WDR72: variants seen among roughly 807,000 people sequenced by gnomAD.
WDR72 encodes WD repeat-containing protein 72.
A neutral mutation model predicts 124.2 loss-of-function variants in WDR72; 120 were observed. The ratio of observed to expected loss-of-function variants is 0.97; its 90% CI spans 0.83 to 1.12. WDR72 has a LOEUF of 1.12. Ranked by LOEUF, WDR72 falls within the 50% of genes most tolerant of loss-of-function variation. WDR72 has a pLI of 0.00. For synonymous variants in WDR72, 452 were observed against 441.7 expected (o/e 1.02, Z -0.29); for missense variants, 1,387 against 1,278.8 (o/e 1.08, Z -1.29).
intron 13 of WDR72, among the ~76,000 whole-genome samples, chr15:53,687,964 CAT>C (rs2016701471): frequency 6.8e-6 from 1 of 148,052 alleles, no homozygotes; most frequent in South Asian, 2.1e-4. Context: ...ACAAAAACCA[CAT>C]GATTATCTCA....
intron 13 of WDR72, among the ~76,000 whole-genome samples, chr15:53,675,526 C>T (rs2016141357): frequency 1.3e-5 from 2 of 152,234 alleles, no homozygotes; most frequent in Admixed American, 1.3e-4. Flanking sequence ...TAAAATTATA[C>T]TGCTACTGAG....
At chr15:53,760,988 G>C (rs1406406807), upstream of WDR72, among the ~76,000 whole-genome samples, 2 of 152,036 alleles carry the variant, frequency 1.3e-5, no homozygotes, top group African/African-American at 2.4e-5. Context: ...GCTGCTCATG[G>C]TGGTGTGTGC....
chr15:53,547,928 G>C (rs1893553062), intron 18 of WDR72, among the ~76,000 whole-genome samples: 2 of 151,312 alleles, frequency 1.3e-5, no homozygotes, highest in South Asian at 4.2e-4. Context: ...AGTAAATGCT[G>C]GACAGCAAAA....
chr15:53,546,645 C>G (rs1191405276), intron 18 of WDR72, among the ~76,000 whole-genome samples: 1 of 151,808 alleles, frequency 6.6e-6, no homozygotes, highest in African/African-American at 2.4e-5. Flanking sequence ...GCACACATAC[C>G]CTAAAACATA....
At chr15:53,596,827 A>G (rs1429866836) in intron 18 of WDR72, among the ~76,000 whole-genome samples, 1 of 152,146 alleles carries the variant, frequency 6.6e-6, no homozygotes, top group African/African-American at 2.4e-5. Context: ...TACATTTTCA[A>G]TACTCTCTAA....
intron 2 of WDR72, among the ~76,000 whole-genome samples, chr15:53,731,102 C>G (rs1031288868): frequency 1.3e-5 from 2 of 152,122 alleles, no homozygotes; most frequent in Non-Finnish European, 2.9e-5. Context: ...GCACAATGTC[C>G]TCACAGTGAA....
At chr15:53,610,624 G>C (rs1006617970) in intron 16 of WDR72, among the ~76,000 whole-genome samples, 2 of 151,666 alleles carry the variant, frequency 1.3e-5, no homozygotes, top group Admixed American at 6.6e-5. Context: ...CAAGGAAAAT[G>C]CAATAAAGGT....
chr15:53,625,773 A>G (rs1439605071), intron 14 of WDR72, among the ~76,000 whole-genome samples: 1 of 150,358 alleles, frequency 6.7e-6, no homozygotes, highest in Non-Finnish European at 1.5e-5. Context: ...TAAAAAGGAA[A>G]AACAGAAAGG....
chr15:53,592,068 G>C lies in WDR72; in HGVS notation c.3148+5011C>G, dbSNP rs1206011142. ...CACCACAGTCAGTCATTATCACTGT[G>C]CTTTGCCCCTAAACCAAAGGTAATG... On this transcript the variant is annotated intron_variant, in intron 18 of 19. Coordinates refer to ENST00000360509, the MANE Select transcript of WDR72 (RefSeq NM_182758.4). Among the ~76,000 whole-genome samples the C allele has an allele frequency of 2.0e-5, 3 of 151,956 alleles. No individual in the cohort carries two copies. The East Asian group carries it at 5.8e-4, about 29-fold the overall frequency.
At chr15:53,566,255 G>A (rs555879833) in intron 18 of WDR72, among the ~76,000 whole-genome samples, 3 of 152,008 alleles carry the variant, frequency 2.0e-5, no homozygotes, top group South Asian at 2.1e-4. Flanking sequence ...TGGCAAAACC[G>A]GGATTCAAAT....
At chr15:53,705,377 G>A (rs1246611397) in intron 10 of WDR72, 144 bp from the exon 11 acceptor site, 1 of 748,136 alleles carries the variant, frequency 1.3e-6, no homozygotes, top group Non-Finnish European at 2.3e-6. Context: ...TCATCTCTTG[G>A]GAAGTTCAAT....
intron 14 of WDR72, among the ~76,000 whole-genome samples, chr15:53,632,567 C>G (rs1359502758): frequency 1.3e-5 from 2 of 152,284 alleles, no homozygotes; most frequent in Non-Finnish European, 2.9e-5. Flanking sequence ...CCTCCAGTCC[C>G]CAGAATGGTA....
At chr15:53,747,882 A>T (rs2018680214) in intron 1 of WDR72, among the ~76,000 whole-genome samples, 1 of 152,210 alleles carries the variant, frequency 6.6e-6, no homozygotes, top group Non-Finnish European at 1.5e-5. Context: ...ACAAACTGAA[A>T]AAACTACAAT....
intron 18 of WDR72, among the ~76,000 whole-genome samples, chr15:53,593,270 A>G (rs1028513833): frequency 6.6e-6 from 1 of 152,094 alleles, no homozygotes; most frequent in African/African-American, 2.4e-5. Flanking sequence ...AAATTATTTG[A>G]TTTTTAGTTC....
intron 1 of WDR72, among the ~76,000 whole-genome samples, chr15:53,751,137 T>C (rs2018763873): frequency 6.6e-6 from 1 of 151,958 alleles, no homozygotes; most frequent in African/African-American, 2.4e-5. Context: ...CTGAGCACAG[T>C]GACATATGCC....
At chr15:53,548,116 C>G (rs1893564741) in intron 18 of WDR72, among the ~76,000 whole-genome samples, 1 of 152,140 alleles carries the variant, frequency 6.6e-6, no homozygotes, top group African/African-American at 2.4e-5. Flanking sequence ...TAAAATCTAT[C>G]ATAAAGTGGT....
chr15:53,560,822 T>C (rs1894099539), intron 18 of WDR72, among the ~76,000 whole-genome samples: 1 of 151,672 alleles, frequency 6.6e-6, no homozygotes, highest in Admixed American at 6.6e-5. Flanking sequence ...ACTGCATTCT[T>C]CTCATTATAT....
intron 13 of WDR72, among the ~76,000 whole-genome samples, chr15:53,667,840 T>C (rs928818598): frequency 2.0e-5 from 3 of 152,242 alleles, no homozygotes; most frequent in Admixed American, 2.0e-4. Flanking sequence ...GCACGTTTTA[T>C]TGTATACCTA....
intron 17 of WDR72, among the ~76,000 whole-genome samples, chr15:53,601,739 A>C (rs780930612): frequency 7.2e-5 from 11 of 152,186 alleles, no homozygotes; most frequent in Non-Finnish European, 1.3e-4. Context: ...CAAAAAAGAC[A>C]AAGAAAGACA....
Sources: gnomAD v4.1 joint callset for allele counts (sites outside exome capture counted in the v4.1 genomes callset) on GRCh38, gnomAD v4.1.1 for gene constraint, MANE v1.5 for transcripts, NCBI Gene and HGNC (gene_info 2026-07-23, HGNC 2026-07-21) for gene names.